TENM3: variants seen among roughly 807,000 people sequenced by gnomAD.
The protein encoded by TENM3 is teneurin-3.
TENM3 carries 63 observed loss-of-function variants against 255.1 expected under a neutral mutation model. The ratio of observed to expected loss-of-function variants is 0.25; its 90% CI spans 0.20 to 0.30. TENM3 has a LOEUF of 0.30. Among genes scored for constraint, TENM3 ranks in the 10% least tolerant of loss-of-function variants. TENM3 has a pLI of 1.00. For missense variants in TENM3, 2,929 were observed against 3,461.1 expected, an observed-to-expected ratio of 0.85 and a Z score of 3.86; for synonymous variants, 1,306 against 1,322.3, an observed-to-expected ratio of 0.99 and a Z score of 0.27.
At chr4:181,903,957 T>C in the TENM3 span, among the ~76,000 whole-genome samples, 1 of 152,102 alleles carries the variant, frequency 6.6e-6, no homozygotes, top group South Asian at 2.1e-4. Flanking sequence ...AAACAATGAT[T>C]TCCATGTATA....
chr4:182,556,139 A>G (rs527714370), intron 3 of TENM3, among the ~76,000 whole-genome samples: 173 of 152,320 alleles, frequency 1.1e-3, no homozygotes, highest in African/African-American at 4.0e-3. Flanking sequence ...TAGAAGGCAC[A>G]ACAACCTCCC....
chr4:182,526,326 T>A (rs183890891), intron 3 of TENM3, among the ~76,000 whole-genome samples: 1 of 152,168 alleles, frequency 6.6e-6, no homozygotes. Flanking sequence ...TCCCTAACTA[T>A]CCCATTTCAA....
At position 182,601,087 on chromosome 4, in the gene TENM3, G is replaced by A. The variant is rs1331123491; in HGVS notation, c.675G>A (p.Glu225=). ...CCCCGCCGGCTGCTTTGCCCGCCGA[G>A]CTGCAAACCACACCCGAGTCCGTCC... ...SPAPPAALPA[E]LQTTPESVQL... is the part of the protein sequence containing the mutation. The change falls in exon 4 of 28, where the codon GAG becomes GAA. Residue 225 remains glutamate, a synonymous_variant. Coordinates refer to ENST00000511685, the MANE Select transcript of TENM3 (RefSeq NM_001080477.4). The A allele has an allele frequency of 1.2e-6, 2 of 1,613,678 alleles. No individual in the cohort carries two copies. Among genetic ancestry groups the A allele is most frequent in the African/African-American group, 1.3e-5 (1 of 74,848 alleles).
chr4:181,641,572 A>G, the TENM3 span, among the ~76,000 whole-genome samples: 207 of 81,966 alleles, frequency 2.5e-3, 8 homozygotes, highest in Middle Eastern at 6.8e-3. Context: ...ATATATATAT[A>G]TATATATATA....
chr4:182,291,666 A>G lies in TENM3; in HGVS notation c.-75-32280A>G, dbSNP rs112569014. ...ACACAGCTAATTAATTGTCAGAGCC[A>G]TCACAGAAACGAAAGCCAGCTTGAC... On this transcript the variant is annotated intron_variant, in intron 1 of 27. Transcript: ENST00000511685. Among the ~76,000 whole-genome samples, 591 of 152,310 alleles carry G rather than the reference A, an allele frequency of 3.9e-3. 2 individuals carry two copies. Among genetic ancestry groups the G allele is most frequent in the African/African-American group, 0.013 (550 of 41,570 alleles).
chr4:181,719,575 A>G, the TENM3 span, among the ~76,000 whole-genome samples: 183 of 152,316 alleles, frequency 1.2e-3, no homozygotes, highest in African/African-American at 4.3e-3. Context: ...CCTCTTTTAG[A>G]AGGGCACTAA....
At chr4:182,236,031 C>T (rs768847829) in intron 1 of TENM3, among the ~76,000 whole-genome samples, 4 of 152,166 alleles carry the variant, frequency 2.6e-5, no homozygotes, top group Non-Finnish European at 5.9e-5. Flanking sequence ...CCTTGGCTCA[C>T]TGTATTGAGA....
At chr4:182,003,822 A>T in the TENM3 span, among the ~76,000 whole-genome samples, 987 of 152,228 alleles carry the variant, frequency 6.5e-3, 12 homozygotes, top group African/African-American at 0.022. Flanking sequence ...AGTTCTTTGA[A>T]TTTGAAAAAT....
chr4:182,589,914 G>A (rs973747653), intron 3 of TENM3, among the ~76,000 whole-genome samples: 3 of 151,840 alleles, frequency 2.0e-5, no homozygotes, highest in Non-Finnish European at 2.9e-5. Flanking sequence ...GCAGAAGGAG[G>A]TTTCAGTGAG....
chr4:182,324,854 G>T (rs921753212), intron 2 of TENM3, among the ~76,000 whole-genome samples: 1 of 152,174 alleles, frequency 6.6e-6, no homozygotes, highest in African/African-American at 2.4e-5. Flanking sequence ...TAATCCACTA[G>T]GGCTTGGTCA....
intron 4 of TENM3, among the ~76,000 whole-genome samples, chr4:182,606,190 T>C (rs1322540373): frequency 6.6e-6 from 1 of 152,148 alleles, no homozygotes; most frequent in Non-Finnish European, 1.5e-5. Context: ...AATTTTCTTC[T>C]CAGAGTTTCA....
At chr4:182,462,733 A>G (rs1335754187) in intron 3 of TENM3, among the ~76,000 whole-genome samples, 2 of 151,808 alleles carry the variant, frequency 1.3e-5, no homozygotes, top group African/African-American at 4.8e-5. Context: ...CTAAAAATAC[A>G]AAAATTAGCT....
chr4:182,760,486 G>T (rs1409905832), intron 22 of TENM3, among the ~76,000 whole-genome samples: 1 of 152,060 alleles, frequency 6.6e-6, no homozygotes, highest in Non-Finnish European at 1.5e-5. Context: ...GGTTAAAGAA[G>T]ACAACATGAA....
chr4:181,573,638 T>C, the TENM3 span, among the ~76,000 whole-genome samples: 4 of 152,158 alleles, frequency 2.6e-5, no homozygotes, highest in Non-Finnish European at 5.9e-5. Flanking sequence ...GAGATTTCTC[T>C]GTCTGTCTGT....
the TENM3 span, among the ~76,000 whole-genome samples, chr4:182,106,876 G>A: frequency 6.6e-6 from 1 of 152,050 alleles, no homozygotes; most frequent in Non-Finnish European, 1.5e-5. Flanking sequence ...GGACACCAAG[G>A]GTGAGATAAT....
At chr4:181,882,853 A>T in the TENM3 span, among the ~76,000 whole-genome samples, 5 of 152,224 alleles carry the variant, frequency 3.3e-5, no homozygotes, top group Non-Finnish European at 7.3e-5. Context: ...CAAGCATAGA[A>T]GTAATGACTT....
intron 4 of TENM3, among the ~76,000 whole-genome samples, chr4:182,623,028 T>G (rs2152458522): frequency 6.6e-6 from 1 of 151,986 alleles, no homozygotes; most frequent in African/African-American, 2.4e-5. Context: ...TTTTTTTCTT[T>G]GAGACTGAGT....
the TENM3 span, among the ~76,000 whole-genome samples, chr4:181,952,981 G>A: frequency 5.3e-5 from 8 of 152,302 alleles, no homozygotes; most frequent in East Asian, 1.5e-3. Context: ...GCCCCACGGG[G>A]GCTACTGATG....
the TENM3 span, among the ~76,000 whole-genome samples, chr4:181,544,397 T>G: frequency 9.1e-6 from 1 of 109,644 alleles, no homozygotes; most frequent in African/African-American, 3.4e-5. Flanking sequence ...GCGATTTCTT[T>G]CCTTCAGGAT....
Sources: gnomAD v4.1 joint callset for allele counts (sites outside exome capture counted in the v4.1 genomes callset) on GRCh38, gnomAD v4.1.1 for gene constraint, MANE v1.5 for transcripts, NCBI Gene and HGNC (gene_info 2026-07-23, HGNC 2026-07-21) for gene names.